Variants in GPHN observed in about 807,000 individuals in gnomAD.
GPHN encodes the protein gephyrin.
Under a neutral mutation model 95.5 loss-of-function variants are expected in GPHN, and 17 were observed. That is an observed-to-expected ratio of 0.18 (90% CI 0.12 to 0.27). The LOEUF is 0.27. Ranked by LOEUF, GPHN falls within the 10% of genes least tolerant of loss-of-function variation. The pLI is 1.00. For synonymous variants in GPHN, 320 were observed against 322.5 expected, an observed-to-expected ratio of 0.99 and a Z score of 0.08; for missense variants, 660 against 978.1, an observed-to-expected ratio of 0.67 and a Z score of 4.34.
the GPHN span, among the ~76,000 whole-genome samples, chr14:67,187,960 T>C: frequency 3.0e-4 from 45 of 152,308 alleles, no homozygotes; most frequent in Admixed American, 2.9e-3. Flanking sequence ...ACTTCTTGAG[T>C]GCAGAGACTG....
At chr14:67,562,145 A>C in the GPHN span, 1 of 1,611,574 alleles carries the variant, frequency 6.2e-7, no homozygotes, top group Non-Finnish European at 8.5e-7. Flanking sequence ...AGCTATTCAG[A>C]TAGCTCCTTC....
At chr14:67,509,570 C>T in the GPHN span, among the ~76,000 whole-genome samples, 9 of 152,300 alleles carry the variant, frequency 5.9e-5, no homozygotes, top group African/African-American at 2.2e-4. Flanking sequence ...CCACCCACCT[C>T]GGCCTCCTAA....
At chr14:66,720,885 A>G (rs2070679938) in intron 2 of GPHN, among the ~76,000 whole-genome samples, 1 of 152,208 alleles carries the variant, frequency 6.6e-6, no homozygotes, top group African/African-American at 2.4e-5. Flanking sequence ...ACAGAAAAAC[A>G]TAACCTACCA....
At chr14:67,422,682 G>T in the GPHN span, among the ~76,000 whole-genome samples, 1 of 152,192 alleles carries the variant, frequency 6.6e-6, no homozygotes, top group East Asian at 1.9e-4. Context: ...ATATCAGTTA[G>T]AATGCTTCGG....
the GPHN span, chr14:67,575,589 C>G: frequency 2.6e-6 from 2 of 778,126 alleles, no homozygotes; most frequent in Middle Eastern, 2.2e-4. Context: ...AATACAAAAT[C>G]AGTTGGCTGG....
At chr14:67,308,991 C>T in the GPHN span, among the ~76,000 whole-genome samples, 1 of 151,898 alleles carries the variant, frequency 6.6e-6, no homozygotes, top group Non-Finnish European at 1.5e-5. Context: ...CAAATGTGAA[C>T]AGCTTATAGA....
the GPHN span, among the ~76,000 whole-genome samples, chr14:67,309,994 T>G: frequency 3.2e-4 from 48 of 149,514 alleles, no homozygotes; most frequent in African/African-American, 1.1e-3. Context: ...TTCTCAAGGT[T>G]TTTTTTTTTT....
At chr14:67,713,558 A>G in the GPHN span, among the ~76,000 whole-genome samples, 3 of 152,200 alleles carry the variant, frequency 2.0e-5, no homozygotes, top group Non-Finnish European at 4.4e-5. Flanking sequence ...TCATGCTGGT[A>G]CCAGGCACTG....
the GPHN span, among the ~76,000 whole-genome samples, chr14:67,607,643 G>A: frequency 5.9e-5 from 9 of 152,188 alleles, no homozygotes; most frequent in African/African-American, 2.2e-4. Context: ...GGGATTACAG[G>A]CGTGAGCCAC....
At chr14:66,911,251 C>T (rs544721271) in intron 5 of GPHN, among the ~76,000 whole-genome samples, 1 of 151,878 alleles carries the variant, frequency 6.6e-6, no homozygotes, top group South Asian at 2.1e-4. Flanking sequence ...TAGTGAATGC[C>T]TAGGGCTGGG....
chr14:67,080,158 G>A (rs1052785741), intron 11 of GPHN, among the ~76,000 whole-genome samples: 1 of 151,938 alleles, frequency 6.6e-6, no homozygotes, highest in South Asian at 2.1e-4. Context: ...TCATTTTTCT[G>A]ACAATTACTG....
the GPHN span, among the ~76,000 whole-genome samples, chr14:67,581,258 G>A: frequency 6.0e-4 from 86 of 142,524 alleles, no homozygotes; most frequent in Non-Finnish European, 8.6e-4. Flanking sequence ...TATACTGCGT[G>A]TGCGTGTGTG....
At chr14:67,085,173 A>G (rs1168680379) in intron 11 of GPHN, among the ~76,000 whole-genome samples, 5 of 152,234 alleles carry the variant, frequency 3.3e-5, no homozygotes, top group East Asian at 3.8e-4. Context: ...GGGAGTAAAT[A>G]TTATTGCAAA....
At chr14:66,980,129 G>T (rs1017395619) in intron 9 of GPHN, among the ~76,000 whole-genome samples, 4 of 152,154 alleles carry the variant, frequency 2.6e-5, no homozygotes, top group African/African-American at 7.2e-5. Context: ...TTGAAATATT[G>T]TAAGAATTAT....
chr14:66,532,554 C>T (rs533197359), intron 1 of GPHN, among the ~76,000 whole-genome samples: 33 of 152,260 alleles, frequency 2.2e-4, no homozygotes, highest in African/African-American at 7.0e-4. Flanking sequence ...TGCTAGGAAG[C>T]ATGGTTAATT....
chr14:66,829,278 G>T (rs1388482622), intron 4 of GPHN, among the ~76,000 whole-genome samples: 1 of 151,842 alleles, frequency 6.6e-6, no homozygotes, highest in East Asian at 1.9e-4. Context: ...AGTAGAGACA[G>T]GGTTTCGCCA....
the GPHN span, among the ~76,000 whole-genome samples, chr14:67,566,467 G>A: frequency 1.3e-5 from 2 of 152,036 alleles, no homozygotes; most frequent in East Asian, 1.9e-4. Flanking sequence ...GTCTTGAGCC[G>A]GGTACAGTGG....
chr14:67,305,533 G>A, the GPHN span, among the ~76,000 whole-genome samples: 20 of 152,146 alleles, frequency 1.3e-4, no homozygotes, highest in Non-Finnish European at 2.6e-4. Flanking sequence ...CACCCGCCTC[G>A]GCCTCCCGAA....
chr14:67,494,181 A>C, the GPHN span, among the ~76,000 whole-genome samples: 1 of 152,210 alleles, frequency 6.6e-6, no homozygotes, highest in African/African-American at 2.4e-5. Flanking sequence ...GGCGCCAAAC[A>C]GCACTTAGGC....
Sources: gnomAD v4.1 joint callset for allele counts (sites outside exome capture counted in the v4.1 genomes callset) on GRCh38, gnomAD v4.1.1 for gene constraint, MANE v1.5 for transcripts, NCBI Gene and HGNC (gene_info 2026-07-23, HGNC 2026-07-21) for gene names.